The following RMST variants were observed in gnomAD, a reference collection of about 807,000 sequenced individuals.
The protein encoded by RMST is long intergenic non-protein coding RNA 54.
intron 11 of RMST, among the ~76,000 whole-genome samples, chr12:97,543,481 A>G (rs1882709695): frequency 6.6e-6 from 1 of 152,038 alleles, no homozygotes; most frequent in Non-Finnish European, 1.5e-5. Context: ...TGAGCGCTCT[A>G]TATATGATAA....
At chr12:97,555,025 G>T (rs1883600062) in intron 11 of RMST, among the ~76,000 whole-genome samples, 1 of 152,108 alleles carries the variant, frequency 6.6e-6, no homozygotes, top group Admixed American at 6.5e-5. Context: ...ACAGCATATG[G>T]CATTGCACAG....
At chr12:97,518,375 C>T (rs1333502808) in intron 10 of RMST, among the ~76,000 whole-genome samples, 1 of 152,172 alleles carries the variant, frequency 6.6e-6, no homozygotes, top group Non-Finnish European at 1.5e-5. Flanking sequence ...TTCTTGCCCA[C>T]AGTTTCTTCC....
In RMST at chr12:97,537,160, A is replaced by G. The variant is rs138550258; in HGVS notation, n.1545+6301A>G. On this transcript the variant is annotated intron_variant and non_coding_transcript_variant, in intron 11 of 13. Coordinates refer to ENST00000640149, the Ensembl canonical transcript of RMST. ...AAATTAAAGTGTGTAATAAAATGAC[A>G]CATACTGAGAGAATCTTCCCTAAGA... Among the ~76,000 whole-genome samples, 471 of 151,608 alleles carry G rather than the reference A, an allele frequency of 3.1e-3. 3 individuals are homozygous for G. The highest frequency in any genetic ancestry group is 5.0e-3 in the Non-Finnish European group (340 of 67,566).
intron 10 of RMST, among the ~76,000 whole-genome samples, chr12:97,511,175 G>A (rs1357600903): frequency 2.0e-5 from 3 of 148,090 alleles, no homozygotes; most frequent in East Asian, 2.0e-4. Flanking sequence ...TTGAGATGGC[G>A]TCTCGCTCTG....
intron 5 of RMST, among the ~76,000 whole-genome samples, chr12:97,474,623 C>CAAAAAAAAAAAAAAAAAAAAAAAAA (rs1565916918): frequency 3.1e-5 from 1 of 32,112 alleles, no homozygotes; most frequent in Non-Finnish European, 6.9e-5. Context: ...AAAAAAGAAG[C>CAAAAAAAAAAAAAAAAAAAAAAAAA]CAAAAAAAAA....
intron 10 of RMST, among the ~76,000 whole-genome samples, chr12:97,523,097 A>G (rs954646383): frequency 1.3e-5 from 2 of 152,338 alleles, no homozygotes; most frequent in South Asian, 2.1e-4. Flanking sequence ...AGGTAGTCGT[A>G]TAAGAAAGAG....
intron 11 of RMST, among the ~76,000 whole-genome samples, chr12:97,532,178 A>G (rs572852529): frequency 1.3e-5 from 2 of 152,064 alleles, no homozygotes; most frequent in East Asian, 3.9e-4. Flanking sequence ...ATTTTATTAT[A>G]TTCTGGACAC....
At chr12:97,466,431 A>G (rs17331210) in intron 5 of RMST, among the ~76,000 whole-genome samples, 15,990 of 152,060 alleles carry the variant, frequency 0.11, 1,005 homozygotes, top group Non-Finnish European at 0.15. Flanking sequence ...CCAAGATTTA[A>G]TTTTAGGTAT....
intron 5 of RMST, among the ~76,000 whole-genome samples, chr12:97,468,435 A>G (rs910346843): frequency 6.6e-6 from 1 of 152,048 alleles, no homozygotes; most frequent in African/African-American, 2.4e-5. Context: ...TGTATATTGT[A>G]CAAAACCTTT....
At chr12:97,552,160 G>T (rs1273193534) in intron 11 of RMST, 1 of 152,138 alleles carries the variant, frequency 6.6e-6, no homozygotes, top group Non-Finnish European at 1.5e-5. Flanking sequence ...TTTCTAGAAA[G>T]TTAATTTTAA....
chr12:97,560,216 A>G (rs922339754), intron 11 of RMST, among the ~76,000 whole-genome samples: 1 of 152,220 alleles, frequency 6.6e-6, no homozygotes, highest in Non-Finnish European at 1.5e-5. Flanking sequence ...ATAGTAGGGA[A>G]CAAAACACGT....
chr12:97,557,757 C>T (rs961357791), intron 11 of RMST, among the ~76,000 whole-genome samples: 2 of 152,052 alleles, frequency 1.3e-5, no homozygotes, highest in African/African-American at 4.8e-5. Context: ...TGGAAGATGG[C>T]TGTGGAATGA....
chr12:97,549,316 A>T (rs1883158500), intron 11 of RMST, among the ~76,000 whole-genome samples: 1 of 152,240 alleles, frequency 6.6e-6, no homozygotes, highest in South Asian at 2.1e-4. Context: ...ATCAAACAGA[A>T]TCTTTTCTTT....
At chr12:97,533,025 T>C (rs1881797091) in intron 11 of RMST, 1 of 151,870 alleles carries the variant, frequency 6.6e-6, no homozygotes, top group South Asian at 2.1e-4. Context: ...AATTTTCATT[T>C]TTGCACTTCT....
Position 97,512,597 on chromosome 12 carries a change from G to T in RMST, n.1340+16541G>T, listed in dbSNP as rs575639908. 9.2e-5 allele frequency among the ~76,000 whole-genome samples: 14 copies of T among 152,334 alleles called. No individual in the cohort carries two copies. The South Asian group carries it at 1.9e-3, about 20-fold the overall frequency. On this transcript the variant is annotated intron_variant and non_coding_transcript_variant, in intron 10 of 13. Transcript: ENST00000640149. ...TCACAAACCCTGGGCTAGGCACAGG[G>T]TGCTGATTGGTGTGTTTACAAACCT...
chr12:97,466,259 G>T (rs1353170068), intron 5 of RMST, among the ~76,000 whole-genome samples: 5 of 152,118 alleles, frequency 3.3e-5, no homozygotes, highest in African/African-American at 1.2e-4. Context: ...GTGGCTTGAA[G>T]TAATTTCCAA....
At chr12:97,498,490 G>A (rs1225370447) in intron 10 of RMST, among the ~76,000 whole-genome samples, 1 of 152,082 alleles carries the variant, frequency 6.6e-6, no homozygotes, top group East Asian at 1.9e-4. Flanking sequence ...CTATGGTAAG[G>A]GGTTGACGAG....
intron 5 of RMST, among the ~76,000 whole-genome samples, chr12:97,489,705 T>G (rs1337406469): frequency 3.9e-5 from 6 of 152,208 alleles, no homozygotes; most frequent in Non-Finnish European, 7.3e-5. Context: ...AATGACAAAT[T>G]TTAATTGTTA....
At chr12:97,500,212 G>A (rs561239475) in intron 10 of RMST, among the ~76,000 whole-genome samples, 11 of 152,218 alleles carry the variant, frequency 7.2e-5, no homozygotes, top group Admixed American at 5.9e-4. Context: ...GAGAAGAAAC[G>A]TCCGCTGGTA....
Sources: gnomAD v4.1 joint callset for allele counts (sites outside exome capture counted in the v4.1 genomes callset) on GRCh38, gnomAD v4.1.1 for gene constraint, MANE v1.5 for transcripts, NCBI Gene and HGNC (gene_info 2026-07-23, HGNC 2026-07-21) for gene names.